PTPN4: variants seen among roughly 807,000 people sequenced by gnomAD.
PTPN4 encodes the protein protein tyrosine phosphatase non-receptor type 4.
Under a neutral mutation model 135.5 loss-of-function variants are expected in PTPN4, and 49 were observed. The ratio of observed to expected loss-of-function variants is 0.36; its 90% CI spans 0.29 to 0.46. The LOEUF is 0.46. PTPN4 is among the 20% of genes least tolerant of loss of function. PTPN4 has a pLI of 1.00. For synonymous variants in PTPN4, 333 were observed against 369.9 expected, an observed-to-expected ratio of 0.90 and a Z score of 1.14; for missense variants, 860 against 1,101.0, an observed-to-expected ratio of 0.78 and a Z score of 3.10.
intron 20 of PTPN4, 72 bp from the exon 21 acceptor site, chr2:119,956,772 A>T (rs1235220877): frequency 6.4e-7 from 1 of 1,574,704 alleles, no homozygotes; most frequent in Non-Finnish European, 8.5e-7. Context: ...TAGTGTAGAA[A>T]CAAGTCTGGT....
At chr2:119,779,730 A>T (rs1574329315) in intron 1 of PTPN4, among the ~76,000 whole-genome samples, 1 of 152,234 alleles carries the variant, frequency 6.6e-6, no homozygotes, top group Non-Finnish European at 1.5e-5. Flanking sequence ...GTATAAAAGC[A>T]GAATTTGAAA....
chr2:119,916,028 A>G (rs1485734705), intron 11 of PTPN4: 1 of 139,718 alleles, frequency 7.2e-6, no homozygotes, highest in Non-Finnish European at 1.6e-5. Context: ...CTGTCTCTAC[A>G]AAAAAAAAAT....
chr2:119,877,263 G>T, intron 3 of PTPN4, 60 bp from the exon 4 acceptor site: 1 of 1,542,714 alleles, frequency 6.5e-7, no homozygotes, highest in South Asian at 1.2e-5. Context: ...AGATTTGCAA[G>T]AATCAATATA....
intron 8 of PTPN4, among the ~76,000 whole-genome samples, chr2:119,883,555 A>C (rs1183725679): frequency 6.6e-6 from 1 of 152,196 alleles, no homozygotes; most frequent in Non-Finnish European, 1.5e-5. Flanking sequence ...TTGTGCTTCA[A>C]TATACAATTC....
chr2:119,829,662 C>G (rs981469398), intron 2 of PTPN4, among the ~76,000 whole-genome samples: 5 of 152,000 alleles, frequency 3.3e-5, no homozygotes, highest in Admixed American at 6.5e-5. Flanking sequence ...ACTTTTTTTT[C>G]ATTCCAGAAT....
intron 9 of PTPN4, among the ~76,000 whole-genome samples, chr2:119,896,904 G>A (rs189596436): frequency 2.6e-4 from 39 of 152,122 alleles, no homozygotes; most frequent in African/African-American, 9.4e-4. Context: ...CACCAGTGGG[G>A]AGTGTTCTTC....
At chr2:119,896,289 A>G (rs1574392898) in intron 9 of PTPN4, among the ~76,000 whole-genome samples, 1 of 151,996 alleles carries the variant, frequency 6.6e-6, no homozygotes, top group East Asian at 1.9e-4. Flanking sequence ...TAGTTATTTT[A>G]TTTGACTCAC....
chr2:119,924,492 T>C (rs931807500), intron 12 of PTPN4, among the ~76,000 whole-genome samples: 9 of 152,138 alleles, frequency 5.9e-5, no homozygotes, highest in African/African-American at 1.9e-4. Flanking sequence ...TTTTGTTCTT[T>C]TTATATTTTT....
At chr2:119,929,846 A>AT (rs1430155401) in intron 13 of PTPN4, among the ~76,000 whole-genome samples, 2 of 152,040 alleles carry the variant, frequency 1.3e-5, no homozygotes, top group African/African-American at 2.4e-5. Flanking sequence ...GTGTGCTGGA[A>AT]TTTTTTTTCT....
At chr2:119,907,119 C>G (rs1486418414) in intron 10 of PTPN4, among the ~76,000 whole-genome samples, 1 of 152,064 alleles carries the variant, frequency 6.6e-6, no homozygotes, top group African/African-American at 2.4e-5. Context: ...ACAACAAAAA[C>G]TACAAAACAC....
chr2:119,868,348 G>C (rs1677861470), intron 3 of PTPN4, among the ~76,000 whole-genome samples: 1 of 152,114 alleles, frequency 6.6e-6, no homozygotes, highest in South Asian at 2.1e-4. Flanking sequence ...CAAGGATGTG[G>C]AACAACTGAT....
rs369179361 is a variant in PTPN4, at chr2:119,795,413, CG to C, written c.-17-14421del. Among the ~76,000 whole-genome samples the C allele has an allele frequency of 3.2e-3, 494 of 152,352 alleles. 2 individuals are homozygous for C. The highest frequency in any genetic ancestry group is 0.011 in the African/African-American group (467 of 41,586). On this transcript the variant is annotated intron_variant, in intron 1 of 26. Transcript: ENST00000263708. Reference sequence around the variant, plus strand: ...GGGGCGCCTGCAGGCCAGTGCTAAGCGGGCCTCACCCCCTCCTCGGCCTTTC... The same window carrying C: ...GGGGCGCCTGCAGGCCAGTGCTAAGCGGCCTCACCCCCTCCTCGGCCTTTC...
In PTPN4 at chr2:119,809,823, T is replaced by C; in HGVS notation, c.-17-14T>C. 1.3e-6 allele frequency: 2 copies of C among 1,552,594 alleles called. No homozygotes were observed. The highest frequency in any genetic ancestry group is 1.7e-6 in the Non-Finnish European group (2 of 1,154,702). ...GAACCTTTTATTTAGTGAATTTTTTTTTTTTTAACTTAGACTTTGTGTGGA... is the reference window on the plus strand; with the variant it reads ...GAACCTTTTATTTAGTGAATTTTTTCTTTTTTAACTTAGACTTTGTGTGGA... On this transcript the variant is annotated splice_polypyrimidine_tract_variant and intron_variant, in intron 1 of 26. Transcript: ENST00000263708.
chr2:119,795,413 C>T lies in PTPN4; in HGVS notation c.-17-14424C>T, dbSNP rs984939958. ...GGGGCGCCTGCAGGCCAGTGCTAAG[C>T]GGGCCTCACCCCCTCCTCGGCCTTT... On this transcript the variant is annotated intron_variant, in intron 1 of 26. Transcript: ENST00000263708. Among the ~76,000 whole-genome samples, 7 of 152,234 alleles carry T rather than the reference C, an allele frequency of 4.6e-5. No individual in the cohort carries two copies. In the East Asian group the frequency reaches 5.8e-4, roughly 13 times the overall value.
At chr2:119,974,952 A>G (rs548427946) in intron 26 of PTPN4, among the ~76,000 whole-genome samples, 7 of 152,332 alleles carry the variant, frequency 4.6e-5, no homozygotes, top group Admixed American at 2.0e-4. Context: ...AATATCACAA[A>G]TACTCCACAT....
intron 1 of PTPN4, among the ~76,000 whole-genome samples, chr2:119,792,685 C>G (rs963131592): frequency 2.0e-5 from 3 of 152,142 alleles, no homozygotes; most frequent in African/African-American, 7.2e-5. Context: ...TATCGGGGAA[C>G]CAGCCCCCAA....
At chr2:119,790,576 G>C (rs1296241888) in intron 1 of PTPN4, among the ~76,000 whole-genome samples, 1 of 151,802 alleles carries the variant, frequency 6.6e-6, no homozygotes, top group African/African-American at 2.4e-5. Context: ...TTATGTTTTA[G>C]AATCTGAAAT....
intron 1 of PTPN4, among the ~76,000 whole-genome samples, chr2:119,761,840 T>A (rs1193606589): frequency 1.3e-5 from 2 of 152,212 alleles, no homozygotes; most frequent in Non-Finnish European, 2.9e-5. Context: ...TTAAAAATAT[T>A]AATTGAGTAG....
chr2:119,968,107 G>A (rs1679471627), intron 26 of PTPN4, 135 bp downstream of exon 26: 6 of 751,486 alleles, frequency 8.0e-6, no homozygotes, highest in Non-Finnish European at 1.2e-5. Flanking sequence ...CTCTAGCACA[G>A]GGGTAAGCAA....
Sources: gnomAD v4.1 joint callset for allele counts (sites outside exome capture counted in the v4.1 genomes callset) on GRCh38, gnomAD v4.1.1 for gene constraint, MANE v1.5 for transcripts, NCBI Gene and HGNC (gene_info 2026-07-23, HGNC 2026-07-21) for gene names.